The following ADAMTS8 variants were observed in gnomAD, a reference collection of about 807,000 sequenced individuals.
The protein encoded by ADAMTS8 is ADAM metallopeptidase with thrombospondin type 1 motif 8.
ADAMTS8 carries 50 observed loss-of-function variants against 64.4 expected under a neutral mutation model. That is an observed-to-expected ratio of 0.78 (90% CI 0.62 to 0.98). ADAMTS8 has a LOEUF of 0.98. Among genes scored for constraint, ADAMTS8 ranks in the 50% least tolerant of loss-of-function variants. The pLI is 0.00. For missense variants in ADAMTS8, 1,192 were observed against 1,208.2 expected (o/e 0.99, Z 0.20); for synonymous variants, 556 against 533.6 (o/e 1.04, Z -0.58).
chr11:130,419,328 G>T, intron 1 of ADAMTS8, 36 bp from the exon 2 acceptor site: 1 of 1,612,294 alleles, frequency 6.2e-7, no homozygotes, highest in South Asian at 1.1e-5. Flanking sequence ...CGGAGTGAAG[G>T]GTTAAGTCTC....
At chr11:130,406,254 C>A in intron 8 of ADAMTS8, 126 bp from the exon 9 acceptor site, 1 of 1,189,650 alleles carries the variant, frequency 8.4e-7, no homozygotes, top group Non-Finnish European at 1.1e-6. Flanking sequence ...AGTAATTAAG[C>A]AAGTTGCCTC....
Position 130,416,033 on chromosome 11 carries a change from A to G in ADAMTS8, c.1264+130T>C. ...ACTTCGGGGGTGGTGTGAATGCCCC[A>G]GCGTGGGAGGCTGGCCGGGGACTCA... On this transcript the variant is annotated intron_variant, in intron 4 of 8. Coordinates refer to ENST00000257359, the MANE Select transcript of ADAMTS8 (RefSeq NM_007037.6). The surrounding 1 kb of genome is among the most constrained non-coding windows in gnomAD (Gnocchi z 4.8). 1 of 1,116,850 alleles carries G rather than the reference A, an allele frequency of 9.0e-7. No individual in the cohort carries two copies. The highest frequency in any genetic ancestry group is 1.2e-6 in the Non-Finnish European group (1 of 813,504). The allele number at this position is 1,116,850 out of a possible 1,614,324, so 69.2% of individuals were successfully genotyped here. A position where few individuals can be genotyped will look rare whatever the true frequency, so the allele number is the denominator to read the frequency against.
In ADAMTS8 at chr11:130,416,631, G is replaced by C. The variant is rs1013026604; in HGVS notation, c.1097-301C>G. Among the ~76,000 whole-genome samples the C allele has an allele frequency of 5.3e-5, 8 of 152,168 alleles. No homozygotes were observed. The highest frequency in any genetic ancestry group is 7.4e-5 in the Non-Finnish European group (5 of 68,026). Reference sequence around the variant, plus strand: ...TTCTTCCCCCAGATCCCACGGCTTAGCTTGTGCACAGCTCCACGCCTCCAC... The same window carrying C: ...TTCTTCCCCCAGATCCCACGGCTTACCTTGTGCACAGCTCCACGCCTCCAC... On this transcript the variant is annotated intron_variant, in intron 3 of 8. Transcript: ENST00000257359. The surrounding 1 kb of genome is among the most constrained non-coding windows in gnomAD (Gnocchi z 4.8).
At chr11:130,407,561 A>G (rs375284797) in intron 8 of ADAMTS8, among the ~76,000 whole-genome samples, 1 of 152,138 alleles carries the variant, frequency 6.6e-6, no homozygotes, top group East Asian at 1.9e-4. Flanking sequence ...ACACTTCTCA[A>G]AAACTCTGAG....
intron 2 of ADAMTS8, among the ~76,000 whole-genome samples, chr11:130,418,273 GTC>G (rs1320026492): frequency 7.0e-6 from 1 of 143,522 alleles, no homozygotes; most frequent in Non-Finnish European, 1.5e-5. Flanking sequence ...GGAAATCTCT[GTC>G]TGTCTTCACA....
chr11:130,410,636 C>T (rs928669527), intron 6 of ADAMTS8, among the ~76,000 whole-genome samples: 1 of 152,212 alleles, frequency 6.6e-6, no homozygotes, highest in Non-Finnish European at 1.5e-5. Context: ...TAAGGCTCTG[C>T]CTGATTTTTC....
Position 130,416,427 on chromosome 11 carries a change from C to T in ADAMTS8, c.1097-97G>A. On this transcript the variant is annotated intron_variant, in intron 3 of 8. Transcript: ENST00000257359. The surrounding 1 kb of genome is among the most constrained non-coding windows in gnomAD (Gnocchi z 4.8). Reference sequence around the variant, plus strand: ...GAGATGGAGCTCCTCAGGGGAGCAGCCACCCCCTCACTCTCCGAAGATTTC... The same window carrying T: ...GAGATGGAGCTCCTCAGGGGAGCAGTCACCCCCTCACTCTCCGAAGATTTC... 2 of 1,334,460 alleles carry T rather than the reference C, an allele frequency of 1.5e-6. No homozygotes were observed. Among genetic ancestry groups the T allele is most frequent in the Non-Finnish European group, 2.0e-6 (2 of 1,003,526 alleles). The allele number at this position is 1,334,460 out of a possible 1,614,324, so 82.7% of individuals were successfully genotyped here.
rs1188714007 is a variant in ADAMTS8, at chr11:130,428,104, G to A, written c.183C>T (p.Gly61=). Residue 61 remains glycine (G), a synonymous_variant, in exon 1 of 9, where the codon GGC becomes GGT. Transcript: ENST00000257359. The part of the protein sequence containing the change: ...GELALHLSAF[G]KGFVLRLAPD... ...GCGCCAGGCGCAGCACGAAGCCCTT[G>A]CCGAAGGCGGACAGGTGGAGCGCGA... 6 of 1,532,414 alleles carry A rather than the reference G, an allele frequency of 3.9e-6. No individual in the cohort carries two copies. The African/African-American group carries it at 7.1e-5, about 18-fold the overall frequency. 94.9% of individuals were successfully genotyped at this position (1,532,414 alleles called of 1,614,324 possible).
In ADAMTS8 at chr11:130,405,243, C is replaced by A; in HGVS notation, c.*315G>T. 1.8e-6 allele frequency: 2 copies of A among 1,139,602 alleles called. No homozygotes were observed. The highest frequency in any genetic ancestry group is 1.1e-6 in the Non-Finnish European group (1 of 929,248). 70.6% of individuals were successfully genotyped at this position (1,139,602 alleles called of 1,614,324 possible). ...TTTTTTTCATTTAAGTTTGCTAGTC[C>A]TTTGCAAACAGACTGACGCTGAGTG... On this transcript the variant is annotated 3_prime_UTR_variant, in exon 9 of 9. Transcript: ENST00000257359.
At chr11:130,412,331 G>A (rs993391913) in intron 5 of ADAMTS8, among the ~76,000 whole-genome samples, 2 of 152,000 alleles carry the variant, frequency 1.3e-5, no homozygotes, top group African/African-American at 4.8e-5. Flanking sequence ...CCTGTGCCTC[G>A]GCCTCCCGAA....
intron 2 of ADAMTS8, 28 bp downstream of exon 2, chr11:130,419,025 C>T: frequency 1.2e-6 from 2 of 1,613,452 alleles, no homozygotes; most frequent in Non-Finnish European, 8.5e-7. Context: ...TCCCTTCCTC[C>T]CCAGGGCTTC....
chr11:130,416,544 C>G lies in ADAMTS8; in HGVS notation c.1097-214G>C, dbSNP rs116639511. 2.9e-3 allele frequency among the ~76,000 whole-genome samples: 439 copies of G among 152,316 alleles called. 3 individuals are homozygous for G. The highest frequency in any genetic ancestry group is 0.01 in the African/African-American group (422 of 41,572). ...TACCCCTTTATTTTCTGCCTCAGCC[C>G]GTCCTGAATTTGGATCTAGCTCTGT... On this transcript the variant is annotated intron_variant, in intron 3 of 8. Coordinates refer to ENST00000257359, the MANE Select transcript of ADAMTS8 (RefSeq NM_007037.6). The surrounding 1 kb of genome is among the most constrained non-coding windows in gnomAD (Gnocchi z 4.8).
intron 1 of ADAMTS8, among the ~76,000 whole-genome samples, chr11:130,422,498 G>A (rs1482479417): frequency 6.6e-6 from 1 of 152,074 alleles, no homozygotes; most frequent in African/African-American, 2.4e-5. Flanking sequence ...CTTGCGGCGC[G>A]CCTGGGGGGA....
chr11:130,425,973 T>C (rs1214281774), intron 1 of ADAMTS8, among the ~76,000 whole-genome samples: 2 of 152,102 alleles, frequency 1.3e-5, no homozygotes, highest in East Asian at 1.9e-4. Flanking sequence ...AGAAGCCCTC[T>C]TCTCACCCCT....
At chr11:130,422,914 G>T (rs929055399) in intron 1 of ADAMTS8, among the ~76,000 whole-genome samples, 1 of 152,236 alleles carries the variant, frequency 6.6e-6, no homozygotes, top group East Asian at 1.9e-4. Flanking sequence ...ATGCCTTGCT[G>T]AGTATGTCGT....
rs1391038930 is a variant in ADAMTS8 at position 130,405,487 on chromosome 11, C to T, written c.*71G>A. On this transcript the variant is annotated 3_prime_UTR_variant, in exon 9 of 9. Coordinates refer to ENST00000257359, the MANE Select transcript of ADAMTS8 (RefSeq NM_007037.6). Reference sequence around the variant, plus strand: ...ATATGGCCAAGGGACCCAGTCACCACAGTGGAGACCCTTGTCTGCACCTCA... The same window carrying T: ...ATATGGCCAAGGGACCCAGTCACCATAGTGGAGACCCTTGTCTGCACCTCA... 1.1e-5 allele frequency: 16 copies of T among 1,516,316 alleles called. No homozygotes were observed. In the South Asian group the frequency reaches 1.2e-4, roughly 11 times the overall value. 93.9% of individuals were successfully genotyped at this position (1,516,316 alleles called of 1,614,324 possible). A position where few individuals can be genotyped will look rare whatever the true frequency, so the allele number is the denominator to read the frequency against.
At position 130,419,057 on chromosome 11, in the gene ADAMTS8, C is replaced by A. The variant is rs573128063; in HGVS notation, c.956G>T (p.Arg319Ile). Residue 319 changes from arginine (R) to isoleucine (I), a missense_variant, in exon 2 of 9, where the codon AGA becomes ATA. Around this residue, in one of 5 missense-constraint regions of ADAMTS8, gnomAD observed 741 missense variants for 710.6 expected, o/e 1.04. Coordinates refer to ENST00000257359, the MANE Select transcript of ADAMTS8 (RefSeq NM_007037.6). ...CTTCCGGAGCCAGGCACGGACCTGT[C>A]TGGTGAGCAGGATGGCCGTGTCGTA... ...EHYDTAILLT[R>I]QNFCGQEGLC... The A allele has an allele frequency of 6.2e-7, 1 of 1,614,108 alleles. No homozygotes were observed. The highest frequency in any genetic ancestry group is 1.7e-5 in the Admixed American group (1 of 60,022).
rs2134677283 is a variant in ADAMTS8 at position 130,411,884 on chromosome 11, G to C, written c.1567-284C>G. On this transcript the variant is annotated intron_variant, in intron 5 of 8. Transcript: ENST00000257359. The surrounding 1 kb of genome is among the most constrained non-coding windows in gnomAD (Gnocchi z 4.2). Reference sequence around the variant, plus strand: ...TAGGCTATCTGCTGAATGAATGAATGACACCCTTTTATGGGAATAAGGTTG... The same window carrying C: ...TAGGCTATCTGCTGAATGAATGAATCACACCCTTTTATGGGAATAAGGTTG... 2.3e-6 allele frequency: 1 copy of C among 432,074 alleles called. No individual in the cohort carries two copies. The highest frequency in any genetic ancestry group is 4.1e-5 in the East Asian group (1 of 24,338). The allele number at this position is 432,074 out of a possible 1,614,324, so 26.8% of individuals were successfully genotyped here.
In ADAMTS8 at chr11:130,427,977, C is replaced by G. The variant is rs1158232078; in HGVS notation, c.310G>C (p.Gly104Arg). The G allele has an allele frequency of 1.1e-5, 17 of 1,530,540 alleles. No homozygotes were observed. The highest frequency in any genetic ancestry group is 1.8e-4 in the Middle Eastern group (1 of 5,500). The allele number at this position is 1,530,540 out of a possible 1,614,324, so 94.8% of individuals were successfully genotyped here. ...ERGLRGCFFS[G>R]TVNGEPESLA... Reference sequence around the variant, plus strand: ...GACTCGGGCTCCCCATTCACGGTGCCGGAGAAGAAGCAGCCGCGCAGCCCC... The same window carrying G: ...GACTCGGGCTCCCCATTCACGGTGCGGGAGAAGAAGCAGCCGCGCAGCCCC... Residue 104 changes from glycine (G) to arginine (R), a missense_variant, in exon 1 of 9, where the codon GGC becomes CGC. Gly to Arg is a moderately radical substitution (Grantham distance 125, BLOSUM62 -2). Transcript: ENST00000257359.
Sources: gnomAD v4.1 joint callset for allele counts (sites outside exome capture counted in the v4.1 genomes callset) on GRCh38, gnomAD v4.1.1 for gene constraint, gnomAD v4.1.1 regional missense constraint, Gnocchi (gnomAD v3.1) non-coding constraint, MANE v1.5 for transcripts, NCBI Gene and HGNC (gene_info 2026-07-23, HGNC 2026-07-21) for gene names.